The following UBASH3B variants were observed in gnomAD, a reference collection of about 807,000 sequenced individuals.
UBASH3B encodes the protein ubiquitin associated and SH3 domain containing B.
In UBASH3B, 37 loss-of-function variants were observed where a neutral mutation model predicts 83.4. The ratio of observed to expected loss-of-function variants is 0.44; its 90% CI spans 0.34 to 0.58. The LOEUF is 0.58. Among genes scored for constraint, UBASH3B ranks in the 20% least tolerant of loss-of-function variants. The probability of loss-of-function intolerance (pLI) is 0.01; values close to 1 mark genes in which losing one functional copy is unlikely to be tolerated. For missense variants in UBASH3B, 657 were observed against 827.2 expected (o/e 0.79, Z 2.52); for synonymous variants, 304 against 318.3 (o/e 0.96, Z 0.48).
intron 1 of UBASH3B, chr11:122,727,534 G>A (rs1370693342): frequency 6.6e-6 from 1 of 152,186 alleles, no homozygotes; most frequent in Non-Finnish European, 1.5e-5. Context: ...TCCCCACGTA[G>A]GGAGTGAAGC....
At chr11:122,739,277 T>TTA (rs376719277) in intron 1 of UBASH3B, among the ~76,000 whole-genome samples, 15 of 152,258 alleles carry the variant, frequency 9.9e-5, no homozygotes, top group African/African-American at 3.4e-4. Flanking sequence ...GAAGTATGGA[T>TTA]TATAGAGGAG....
intron 1 of UBASH3B, among the ~76,000 whole-genome samples, chr11:122,690,427 TGAC>T (rs1195683109): frequency 6.6e-6 from 1 of 151,456 alleles, no homozygotes; most frequent in African/African-American, 2.4e-5. Flanking sequence ...ACTTTACATC[TGAC>T]TTTTGGTTTT....
rs999586656 is a variant in UBASH3B, at chr11:122,703,472, G to A, written c.161+47262G>A. Reference sequence around the variant, plus strand: ...TATATTGTTTCTCCCCTCCACCACCGCTTTTCAAAATAAATAGTGTCAAAT... The same window carrying A: ...TATATTGTTTCTCCCCTCCACCACCACTTTTCAAAATAAATAGTGTCAAAT... On this transcript the variant is annotated intron_variant, in intron 1 of 13. Transcript: ENST00000284273. 4.0e-5 allele frequency among the ~76,000 whole-genome samples: 6 copies of A among 151,878 alleles called. No individual in the cohort carries two copies. The East Asian group carries it at 7.7e-4, about 20-fold the overall frequency.
rs35380329 is a variant in UBASH3B, at chr11:122,777,123, C to T, written c.315C>T (p.Ser105=). ...CCGGCCCCTTAGCACAGAAGCTTTC[C>T]GACTTTTGGCAGCAGTCGAAGCAGA... The part of the protein sequence containing the change: ...RPTGPLAQKL[S]DFWQQSKQIC... Residue 105 remains serine (S), a synonymous_variant, in exon 3 of 14, where the codon TCC becomes TCT. Transcript: ENST00000284273. The T allele has an allele frequency of 3.9e-3, 6,279 of 1,614,072 alleles. 219 individuals carry two copies. In the African/African-American group the frequency reaches 0.074, roughly 19 times the overall value.
chr11:122,724,157 A>G (rs1439826154), intron 1 of UBASH3B, among the ~76,000 whole-genome samples: 1 of 152,204 alleles, frequency 6.6e-6, no homozygotes. Flanking sequence ...TAAGAGCCTA[A>G]GCTCTGGAGG....
chr11:122,667,815 C>A (rs1211227637), intron 1 of UBASH3B, among the ~76,000 whole-genome samples: 2 of 152,150 alleles, frequency 1.3e-5, no homozygotes. Context: ...TACCCTTTTT[C>A]TTTACACTTA....
chr11:122,744,499 G>A (rs1861079359), intron 1 of UBASH3B, among the ~76,000 whole-genome samples: 1 of 152,036 alleles, frequency 6.6e-6, no homozygotes, highest in African/African-American at 2.4e-5. Context: ...TGTTGCATGA[G>A]CATGTGTGCC....
At chr11:122,735,936 A>C (rs1239870356) in intron 1 of UBASH3B, among the ~76,000 whole-genome samples, 4 of 152,196 alleles carry the variant, frequency 2.6e-5, no homozygotes, top group African/African-American at 9.6e-5. Context: ...GGAGTCCCTG[A>C]AGGTTTAAGC....
At chr11:122,776,406 C>A in intron 2 of UBASH3B, 134 bp downstream of exon 2, 5 of 776,044 alleles carry the variant, frequency 6.4e-6, no homozygotes, top group Non-Finnish European at 9.8e-6. Context: ...GTGGCAAGTG[C>A]GTTTATCAAG....
intron 5 of UBASH3B, among the ~76,000 whole-genome samples, chr11:122,783,595 G>A (rs905173705): frequency 4.6e-5 from 7 of 152,098 alleles, no homozygotes; most frequent in African/African-American, 1.7e-4. Context: ...TAGGTGAGTT[G>A]AAGAACATAT....
chr11:122,756,216 T>C (rs148560315), intron 1 of UBASH3B, among the ~76,000 whole-genome samples: 58 of 152,306 alleles, frequency 3.8e-4, no homozygotes, highest in Middle Eastern at 3.4e-3. Context: ...TAGAGCTGAA[T>C]TGAGTCCTCT....
At position 122,768,508 on chromosome 11, in the gene UBASH3B, G is replaced by GTGTA. The variant is rs557159523; in HGVS notation, c.162-7710_162-7709insGTAT. Among the ~76,000 whole-genome samples the GTGTA allele has an allele frequency of 7.5e-3, 1,007 of 134,364 alleles. 11 individuals are homozygous for GTGTA. The highest frequency in any genetic ancestry group is 0.016 in the African/African-American group (555 of 35,696). The allele number at this position is 134,364 out of a possible 152,430, so 88.1% of individuals were successfully genotyped here. A position where few individuals can be genotyped will look rare whatever the true frequency, so the allele number is the denominator to read the frequency against. On this transcript the variant is annotated intron_variant, in intron 1 of 13. Transcript: ENST00000284273. ...TGTGTGTGTGTGTGTGTGTGTGTGT[G>GTGTA]TATATATATATATTTGAGACTGAGC... is the stretch of plus-strand genomic sequence containing the variant.
chr11:122,774,264 G>A (rs1170688044), intron 1 of UBASH3B: 3 of 985,332 alleles, frequency 3.0e-6, no homozygotes, highest in Non-Finnish European at 3.6e-6. Context: ...TCATCAACCT[G>A]TAAGTAGGCT....
chr11:122,772,459 A>C (rs1392248294), intron 1 of UBASH3B, among the ~76,000 whole-genome samples: 1 of 152,088 alleles, frequency 6.6e-6, no homozygotes, highest in Non-Finnish European at 1.5e-5. Flanking sequence ...AAAAGAAAGA[A>C]GGGAGAGGAG....
intron 1 of UBASH3B, among the ~76,000 whole-genome samples, chr11:122,710,223 C>A (rs886839151): frequency 6.6e-6 from 1 of 150,720 alleles, no homozygotes; most frequent in Non-Finnish European, 1.5e-5. Flanking sequence ...CATGGTCTAG[C>A]TTCTAGGTTC....
chr11:122,693,401 G>C (rs1380875126), intron 1 of UBASH3B, among the ~76,000 whole-genome samples: 2 of 152,208 alleles, frequency 1.3e-5, no homozygotes, highest in East Asian at 1.9e-4. Flanking sequence ...TCTCCACCCA[G>C]AGTGGTAAGG....
At chr11:122,737,969 T>C (rs1860961430) in intron 1 of UBASH3B, among the ~76,000 whole-genome samples, 1 of 152,076 alleles carries the variant, frequency 6.6e-6, no homozygotes, top group Non-Finnish European at 1.5e-5. Flanking sequence ...AAAGTGCCTG[T>C]AGAGAAGTCA....
chr11:122,702,278 A>G (rs1487515321), intron 1 of UBASH3B, among the ~76,000 whole-genome samples: 1 of 152,196 alleles, frequency 6.6e-6, no homozygotes, highest in Non-Finnish European at 1.5e-5. Flanking sequence ...TTTCATCCAG[A>G]ATACTAATGA....
chr11:122,779,443 C>T, intron 3 of UBASH3B, 54 bp from the exon 4 acceptor site: 1 of 1,596,084 alleles, frequency 6.3e-7, no homozygotes. Context: ...TAAGTAGCAG[C>T]AGACTTCCAT....
Sources: gnomAD v4.1 joint callset for allele counts (sites outside exome capture counted in the v4.1 genomes callset) on GRCh38, gnomAD v4.1.1 for gene constraint, MANE v1.5 for transcripts, NCBI Gene and HGNC (gene_info 2026-07-23, HGNC 2026-07-21) for gene names.